The following PCDHGA4 variants were observed in gnomAD, a reference collection of about 807,000 sequenced individuals.
PCDHGA4 encodes the protein protocadherin gamma-A4.
In PCDHGA4, 38 loss-of-function variants were observed where a neutral mutation model predicts 54.6. That is an observed-to-expected ratio of 0.70 (90% confidence interval 0.54 to 0.91). The LOEUF (loss-of-function observed/expected upper bound fraction) is 0.91. PCDHGA4 is among the 40% of genes least tolerant of loss of function. PCDHGA4 has a pLI of 0.00. For missense variants in PCDHGA4, 1,298 were observed against 1,220.9 expected, an observed-to-expected ratio of 1.06 and a Z score of -0.94; for synonymous variants, 511 against 512.9, an observed-to-expected ratio of 1.00 and a Z score of 0.05.
intron 1 of PCDHGA4, chr5:141,418,575 C>T (rs2154547779): frequency 6.2e-7 from 1 of 1,614,018 alleles, no homozygotes; most frequent in East Asian, 2.2e-5. Context: ...AATGACAACC[C>T]CCCAGTGTTC....
intron 1 of PCDHGA4, among the ~76,000 whole-genome samples, chr5:141,483,618 C>T (rs1441906179): frequency 6.6e-6 from 1 of 151,536 alleles, no homozygotes; most frequent in Non-Finnish European, 1.5e-5. Flanking sequence ...TCCATCATTC[C>T]CATGGGAGAA....
At chr5:141,389,245 C>A (rs755580542) in intron 1 of PCDHGA4, 6 of 1,613,950 alleles carry the variant, frequency 3.7e-6, no homozygotes, top group Non-Finnish European at 5.1e-6. Context: ...TCACAGTCTT[C>A]CTATATAGTC....
intron 1 of PCDHGA4, chr5:141,403,387 C>T: frequency 6.2e-7 from 1 of 1,614,042 alleles, no homozygotes; most frequent in Non-Finnish European, 8.5e-7. Context: ...TTAACGAAAT[C>T]GCGGTTCCTG....
chr5:141,421,280 G>T (rs564480755), intron 1 of PCDHGA4: 1 of 1,612,948 alleles, frequency 6.2e-7, no homozygotes, highest in African/African-American at 1.3e-5. Context: ...CTGCTGCTGT[G>T]CATTTTCCTG....
chr5:141,504,474 G>A (rs903417314), intron 2 of PCDHGA4, among the ~76,000 whole-genome samples: 1 of 152,066 alleles, frequency 6.6e-6, no homozygotes, highest in African/African-American at 2.4e-5. Context: ...TGGGATGGGA[G>A]TACAGTGGAG....
intron 1 of PCDHGA4, chr5:141,360,011 A>G: frequency 8.1e-7 from 1 of 1,240,974 alleles, no homozygotes; most frequent in Non-Finnish European, 1.1e-6. Context: ...AACCAACCAC[A>G]CAGAGAAGGC....
chr5:141,491,763 T>C lies in PCDHGA4; in HGVS notation c.2515-3044T>C. 1 of 1,570,222 alleles carries C rather than the reference T, an allele frequency of 6.4e-7. No homozygotes were observed. Among genetic ancestry groups the C allele is most frequent in the Non-Finnish European group, 8.6e-7 (1 of 1,159,286 alleles). Reference sequence around the variant, plus strand: ...GCGGCACTGGAGAAGCCGCCCGTCCTCATAAGGGATTGAACTTGCATCCAC... The same window carrying C: ...GCGGCACTGGAGAAGCCGCCCGTCCCCATAAGGGATTGAACTTGCATCCAC... On this transcript the variant is annotated intron_variant, in intron 1 of 3. Coordinates refer to ENST00000571252, the MANE Select transcript of PCDHGA4 (RefSeq NM_018917.4). The surrounding 1 kb of genome is among the most constrained non-coding windows in gnomAD (Gnocchi z 6.9).
intron 1 of PCDHGA4, chr5:141,408,038 C>G (rs2095030679): frequency 8.6e-7 from 1 of 1,156,402 alleles, no homozygotes; most frequent in Admixed American, 3.0e-5. Flanking sequence ...AGAAAACCAG[C>G]TCCCACACAG....
chr5:141,385,498 T>C, intron 1 of PCDHGA4: 2 of 1,386,236 alleles, frequency 1.4e-6, no homozygotes, highest in Non-Finnish European at 1.9e-6. Context: ...TAGGATATAG[T>C]ATTTCTTTAG....
chr5:141,389,346 T>G (rs779015878), intron 1 of PCDHGA4: 1 of 1,613,984 alleles, frequency 6.2e-7, no homozygotes. Flanking sequence ...AGTCTCTTAC[T>G]GCATCATGGC....
rs2099746025 is a variant in PCDHGA4 at position 141,493,066 on chromosome 5, T to C, written c.2515-1741T>C. On this transcript the variant is annotated intron_variant, in intron 1 of 3. Coordinates refer to ENST00000571252, the MANE Select transcript of PCDHGA4 (RefSeq NM_018917.4). This position sits in a 1 kb window ranked among gnomAD's most constrained non-coding sequence, Gnocchi z 4.3. ...AACTACAATAGTAAAAAACACAAGT[T>C]TCTCCAACTCCAGGAGCTTTTATTC... Among the ~76,000 whole-genome samples the C allele has an allele frequency of 6.6e-6, 1 of 152,202 alleles. No homozygotes were observed. Among genetic ancestry groups the C allele is most frequent in the East Asian group, 1.9e-4 (1 of 5,194 alleles).
Position 141,417,741 on chromosome 5 carries a change from A to G in PCDHGA4, c.2514+60120A>G, listed in dbSNP as rs1035037382. ...CTGCGCAGACCTTGCCCAGCACACCAGATTGCCAGCTCCGAGACCCGGGAC... is the reference window on the plus strand; with the variant it reads ...CTGCGCAGACCTTGCCCAGCACACCGGATTGCCAGCTCCGAGACCCGGGAC... On this transcript the variant is annotated intron_variant, in intron 1 of 3. Coordinates refer to ENST00000571252, the MANE Select transcript of PCDHGA4 (RefSeq NM_018917.4). The G allele has an allele frequency of 1.7e-5, 24 of 1,413,756 alleles. No individual in the cohort carries two copies. The African/African-American group carries it at 1.7e-4, about 10-fold the overall frequency. The allele number at this position is 1,413,756 out of a possible 1,614,324, so 87.6% of individuals were successfully genotyped here.
chr5:141,387,998 C>A, intron 1 of PCDHGA4: 1 of 1,485,206 alleles, frequency 6.7e-7, no homozygotes, highest in South Asian at 1.3e-5. Flanking sequence ...ACAGGATTCC[C>A]GAGGAAATGC....
chr5:141,398,738 A>G, intron 1 of PCDHGA4: 1 of 1,613,880 alleles, frequency 6.2e-7, no homozygotes, highest in Admixed American at 1.7e-5. Flanking sequence ...GACCGGGAAC[A>G]ACAGAGTTAC....
chr5:141,421,073 G>A (rs2096544393), intron 1 of PCDHGA4: 4 of 613,858 alleles, frequency 6.5e-6, no homozygotes, highest in Non-Finnish European at 1.1e-5. Flanking sequence ...GGAATGAGAT[G>A]GATACTCACA....
At chr5:141,361,689 C>A (rs752885909) in intron 1 of PCDHGA4, 20 of 1,613,502 alleles carry the variant, frequency 1.2e-5, no homozygotes, top group Non-Finnish European at 1.7e-5. Flanking sequence ...TCGCGCAGCG[C>A]GCCTTCGATC....
intron 1 of PCDHGA4, chr5:141,373,987 G>C: frequency 8.3e-7 from 1 of 1,199,482 alleles, no homozygotes; most frequent in South Asian, 2.3e-5. Flanking sequence ...GTCTCTGCTT[G>C]TTGAAGGACC....
At chr5:141,361,204 C>T (rs977758534) in intron 1 of PCDHGA4, 9 of 1,613,832 alleles carry the variant, frequency 5.6e-6, no homozygotes, top group Non-Finnish European at 7.6e-6. Flanking sequence ...TACTCCCCTA[C>T]CGGAGGATTC....
intron 1 of PCDHGA4, chr5:141,370,622 C>A (rs756641778): frequency 1.9e-6 from 3 of 1,613,902 alleles, no homozygotes; most frequent in Non-Finnish European, 2.5e-6. Flanking sequence ...AATTCTTTAC[C>A]GTGAGCCCCG....
Sources: allele counts gnomAD v4.1 joint callset (sites outside exome capture counted in the v4.1 genomes callset), GRCh38; gene constraint gnomAD v4.1.1; non-coding constraint Gnocchi (gnomAD v3.1); transcripts MANE v1.5; gene names NCBI Gene and HGNC (gene_info 2026-07-23, HGNC 2026-07-21).